Variants in SDK1 observed in about 807,000 individuals in gnomAD.
SDK1 encodes protein sidekick-1.
A neutral mutation model predicts 245.5 loss-of-function variants in SDK1; 157 were observed. The observed-to-expected ratio is 0.64, with a 90% CI of 0.56 to 0.73. The LOEUF (loss-of-function observed/expected upper bound fraction) is 0.73. SDK1 is among the 30% of genes least tolerant of loss of function. The pLI is 0.00. For missense variants in SDK1, 3,583 were observed against 3,002.3 expected, an observed-to-expected ratio of 1.19 and a Z score of -4.52; for synonymous variants, 1,647 against 1,278.5, an observed-to-expected ratio of 1.29 and a Z score of -6.15.
At chr7:3,310,911 A>T (rs1779533639) in intron 1 of SDK1, among the ~76,000 whole-genome samples, 2 of 152,230 alleles carry the variant, frequency 1.3e-5, no homozygotes, top group South Asian at 4.1e-4. Flanking sequence ...TGCTTCCTGT[A>T]GTTGTTGTGA....
intron 10 of SDK1, 86 bp from the exon 11 acceptor site, chr7:3,969,171 A>G (rs1782296229): frequency 7.9e-7 from 1 of 1,259,374 alleles, no homozygotes; most frequent in Non-Finnish European, 1.1e-6. Context: ...GCCGAACCAT[A>G]TTACTTGCTT....
intron 1 of SDK1, among the ~76,000 whole-genome samples, chr7:3,323,250 A>G (rs1015452182): frequency 1.3e-5 from 2 of 152,142 alleles, no homozygotes; most frequent in Non-Finnish European, 2.9e-5. Context: ...GACGTTATTC[A>G]TTGTTACATT....
chr7:3,472,326 C>A (rs1781210248), intron 1 of SDK1, among the ~76,000 whole-genome samples: 1 of 152,022 alleles, frequency 6.6e-6, no homozygotes, highest in Admixed American at 6.6e-5. Flanking sequence ...TCATTTTGTG[C>A]AATTTTATTG....
At chr7:3,752,890 G>C (rs1304006415) in intron 4 of SDK1, among the ~76,000 whole-genome samples, 1 of 152,168 alleles carries the variant, frequency 6.6e-6, no homozygotes, top group Non-Finnish European at 1.5e-5. Flanking sequence ...CACAGTATTT[G>C]TAATAAATGT....
intron 5 of SDK1, among the ~76,000 whole-genome samples, chr7:3,909,964 C>G (rs1262041674): frequency 6.6e-6 from 1 of 152,036 alleles, no homozygotes; most frequent in Non-Finnish European, 1.5e-5. Context: ...AAAGTAGAGG[C>G]CAAGGGCAAG....
At chr7:3,836,764 G>GA (rs1372614232) in intron 5 of SDK1, among the ~76,000 whole-genome samples, 4 of 152,142 alleles carry the variant, frequency 2.6e-5, no homozygotes, top group Non-Finnish European at 5.9e-5. Context: ...ACAAAGAATA[G>GA]ACCCTCCACA....
intron 4 of SDK1, among the ~76,000 whole-genome samples, chr7:3,662,565 G>T (rs1783399430): frequency 6.6e-6 from 1 of 152,210 alleles, no homozygotes; most frequent in Admixed American, 6.5e-5. Context: ...GAAGGGTGCT[G>T]ACAAGGGCCG....
At chr7:3,554,737 T>C (rs1348614389) in intron 1 of SDK1, among the ~76,000 whole-genome samples, 2 of 152,206 alleles carry the variant, frequency 1.3e-5, no homozygotes, top group East Asian at 1.9e-4. Flanking sequence ...AAATTCATTA[T>C]AGTTGCTGAA....
chr7:3,631,530 A>T (rs561451179), intron 2 of SDK1, among the ~76,000 whole-genome samples: 52 of 152,360 alleles, frequency 3.4e-4, no homozygotes, highest in African/African-American at 1.2e-3. Flanking sequence ...CAGCAAGGAC[A>T]GCAGGTGCTA....
At chr7:3,914,329 C>T (rs1388994169) in intron 5 of SDK1, among the ~76,000 whole-genome samples, 5 of 152,032 alleles carry the variant, frequency 3.3e-5, no homozygotes, top group Admixed American at 6.6e-5. Flanking sequence ...ATTCTGCTTT[C>T]GGAAATCAGG....
chr7:3,650,773 C>G (rs760292036), intron 4 of SDK1, among the ~76,000 whole-genome samples: 7 of 151,734 alleles, frequency 4.6e-5, no homozygotes, highest in Non-Finnish European at 8.8e-5. Flanking sequence ...GTTTTGTCAT[C>G]TCAAGAATGT....
intron 1 of SDK1, among the ~76,000 whole-genome samples, chr7:3,345,531 C>G (rs1780468748): frequency 6.6e-6 from 1 of 152,104 alleles, no homozygotes; most frequent in Non-Finnish European, 1.5e-5. Context: ...ATTTAAATGG[C>G]AGAGAAACCC....
At chr7:3,842,562 T>C (rs1390230406) in intron 5 of SDK1, among the ~76,000 whole-genome samples, 1 of 152,046 alleles carries the variant, frequency 6.6e-6, no homozygotes, top group African/African-American at 2.4e-5. Context: ...GCAGAAGAAA[T>C]CTGTCTGGAA....
At chr7:3,661,819 T>G (rs1783368701) in intron 4 of SDK1, among the ~76,000 whole-genome samples, 1 of 152,106 alleles carries the variant, frequency 6.6e-6, no homozygotes, top group Non-Finnish European at 1.5e-5. Context: ...GCACCTGGGC[T>G]TCCGGGCACC....
At chr7:3,962,073 A>G (rs1163330577) in intron 8 of SDK1, among the ~76,000 whole-genome samples, 1 of 152,216 alleles carries the variant, frequency 6.6e-6, no homozygotes, top group African/African-American at 2.4e-5. Flanking sequence ...TCGCATGAAC[A>G]CATGCACATA....
intron 5 of SDK1, among the ~76,000 whole-genome samples, chr7:3,880,684 C>T (rs1781187319): frequency 1.3e-5 from 2 of 151,754 alleles, no homozygotes; most frequent in African/African-American, 4.8e-5. Context: ...TTGGTTTTCC[C>T]AAAAACACAT....
At chr7:4,119,084 A>G (rs1463549766) in intron 25 of SDK1, among the ~76,000 whole-genome samples, 5 of 148,482 alleles carry the variant, frequency 3.4e-5, no homozygotes, top group African/African-American at 1.2e-4. Context: ...ATATATTAAT[A>G]ATCTCACAAT....
At chr7:3,666,575 C>A (rs1289690865) in intron 4 of SDK1, among the ~76,000 whole-genome samples, 1 of 152,196 alleles carries the variant, frequency 6.6e-6, no homozygotes, top group African/African-American at 2.4e-5. Flanking sequence ...GCTGCCATGG[C>A]TTGGGCCTTG....
chr7:3,794,355 G>GA lies in SDK1; in HGVS notation c.714-27087dup, dbSNP rs879932087. 3.3e-4 allele frequency among the ~76,000 whole-genome samples: 50 copies of GA among 151,774 alleles called. No homozygotes were observed. The East Asian group carries it at 5.2e-3, about 16-fold the overall frequency. ...TTTATAACGATTTTAAAAATAGGAA[G>GA]AAAAAAAAGGCATATATGGCAAGGG... is the stretch of plus-strand genomic sequence containing the variant. On this transcript the variant is annotated intron_variant, in intron 4 of 44. Transcript: ENST00000404826.
Sources: allele counts gnomAD v4.1 joint callset (sites outside exome capture counted in the v4.1 genomes callset), GRCh38; gene constraint gnomAD v4.1.1; transcripts MANE v1.5; gene names NCBI Gene and HGNC (gene_info 2026-07-23, HGNC 2026-07-21).